MACROD2: variants seen among roughly 807,000 people sequenced by gnomAD.
The protein encoded by MACROD2 is mono-ADP ribosylhydrolase 2, also known as ADP-ribose glycohydrolase MACROD2.
A neutral mutation model predicts 70.4 loss-of-function variants in MACROD2; 36 were observed. The ratio of observed to expected loss-of-function variants is 0.51; its 90% CI spans 0.39 to 0.68. The LOEUF (loss-of-function observed/expected upper bound fraction) is 0.68. Ranked by LOEUF, MACROD2 falls within the 30% of genes least tolerant of loss-of-function variation. The probability of loss-of-function intolerance (pLI) is 0.00; values close to 1 mark genes in which losing one functional copy is unlikely to be tolerated. For missense variants in MACROD2, 496 were observed against 538.4 expected (o/e 0.92, Z 0.78); for synonymous variants, 172 against 178.8 (o/e 0.96, Z 0.30).
intron 8 of MACROD2, among the ~76,000 whole-genome samples, chr20:15,611,326 G>A (rs187307951): frequency 6.6e-5 from 10 of 152,252 alleles, no homozygotes; most frequent in Admixed American, 2.6e-4. Context: ...GCAGAGTCAC[G>A]ATTGGAAGCC....
intron 4 of MACROD2, among the ~76,000 whole-genome samples, chr20:14,525,647 C>G (rs146080033): frequency 6.6e-6 from 1 of 152,188 alleles, no homozygotes; most frequent in Non-Finnish European, 1.5e-5. Flanking sequence ...TGTGTTACCA[C>G]GCTGGTGTGT....
At chr20:16,014,707 A>C (rs1485118543) in intron 15 of MACROD2, among the ~76,000 whole-genome samples, 2 of 152,122 alleles carry the variant, frequency 1.3e-5, no homozygotes, top group Non-Finnish European at 2.9e-5. Context: ...GTTTCAATAC[A>C]CCTGACCTTC....
In MACROD2 at chr20:14,881,995, C is replaced by T. The variant is rs372157393; in HGVS notation, c.418+197036C>T. On this transcript the variant is annotated intron_variant, in intron 5 of 17. Coordinates refer to ENST00000684519, the MANE Select transcript of MACROD2 (RefSeq NM_001351661.2). ...ACAGCAATTCTAAAAAGACAATTAACTCTTGTTATGTCTGTTTATAAAAGA... is the reference window on the plus strand; with the variant it reads ...ACAGCAATTCTAAAAAGACAATTAATTCTTGTTATGTCTGTTTATAAAAGA... Among the ~76,000 whole-genome samples, 24 of 152,308 alleles carry T rather than the reference C, an allele frequency of 1.6e-4. No individual in the cohort carries two copies. The South Asian group carries it at 4.6e-3, about 29-fold the overall frequency.
At chr20:14,186,672 A>G (rs2081346908) in intron 3 of MACROD2, among the ~76,000 whole-genome samples, 1 of 152,198 alleles carries the variant, frequency 6.6e-6, no homozygotes, top group African/African-American at 2.4e-5. Flanking sequence ...CACTATTACA[A>G]TAGCAAAGAC....
intron 5 of MACROD2, among the ~76,000 whole-genome samples, chr20:14,812,657 C>A (rs2072729058): frequency 6.6e-6 from 1 of 152,030 alleles, no homozygotes; most frequent in Non-Finnish European, 1.5e-5. Flanking sequence ...TATCTTTCTG[C>A]ACCCCTACAG....
chr20:15,670,387 C>T (rs1054012191), intron 8 of MACROD2, among the ~76,000 whole-genome samples: 7 of 152,140 alleles, frequency 4.6e-5, no homozygotes, highest in African/African-American at 2.4e-5. Flanking sequence ...TTTCAGTCTC[C>T]GTCCTGATGC....
intron 15 of MACROD2, among the ~76,000 whole-genome samples, chr20:15,988,939 A>C (rs1443320179): frequency 1.3e-5 from 2 of 152,168 alleles, no homozygotes; most frequent in Non-Finnish European, 2.9e-5. Flanking sequence ...GAGGCAATGT[A>C]GATTCATGGT....
At chr20:14,179,901 ATTT>A (rs990932963) in intron 3 of MACROD2, among the ~76,000 whole-genome samples, 2 of 152,192 alleles carry the variant, frequency 1.3e-5, no homozygotes, top group African/African-American at 4.8e-5. Flanking sequence ...ATTGTTTTAC[ATTT>A]TAAAAAATTG....
At chr20:15,139,192 C>G (rs995130251) in intron 5 of MACROD2, among the ~76,000 whole-genome samples, 2 of 152,146 alleles carry the variant, frequency 1.3e-5, no homozygotes, top group African/African-American at 4.8e-5. Flanking sequence ...TGTTCTTGCT[C>G]TTGCAGAAGC....
At chr20:15,407,565 G>A (rs568495550) in intron 6 of MACROD2, among the ~76,000 whole-genome samples, 1 of 152,192 alleles carries the variant, frequency 6.6e-6, no homozygotes, top group East Asian at 1.9e-4. Context: ...GAGGTGGGTA[G>A]AGAGGCAGCC....
At chr20:14,003,192 A>G (rs2052759187) in intron 2 of MACROD2, among the ~76,000 whole-genome samples, 1 of 152,194 alleles carries the variant, frequency 6.6e-6, no homozygotes, top group South Asian at 2.1e-4. Context: ...AGATCGATGG[A>G]ACTACACCGG....
chr20:15,073,273 T>C (rs1164294819), intron 5 of MACROD2, among the ~76,000 whole-genome samples: 1 of 152,104 alleles, frequency 6.6e-6, no homozygotes, highest in East Asian at 1.9e-4. Context: ...TGTCTCCAAC[T>C]ACTATCAAAG....
chr20:15,614,255 T>C (rs1233616660), intron 8 of MACROD2, among the ~76,000 whole-genome samples: 2 of 152,240 alleles, frequency 1.3e-5, no homozygotes, highest in African/African-American at 4.8e-5. Context: ...TCTCTTCTTG[T>C]CTGTTATCTA....
At position 15,229,968 on chromosome 20, in the gene MACROD2, C is replaced by T; in HGVS notation, c.447C>T (p.Ala149=). The T allele has an allele frequency of 1.2e-6, 2 of 1,613,708 alleles. No homozygotes were observed. Among genetic ancestry groups the T allele is most frequent in the Non-Finnish European group, 1.7e-6 (2 of 1,179,746 alleles). The part of the protein sequence containing the change: ...KYVIHTVGPI[A]RGHINGSHKE... ...TCATCCATACTGTAGGGCCAATAGCCAGGGGCCATATTAATGGTTCCCACA... is the reference window on the plus strand; with the variant it reads ...TCATCCATACTGTAGGGCCAATAGCTAGGGGCCATATTAATGGTTCCCACA... Residue 149 remains alanine, a synonymous_variant, in exon 6 of 18, where the codon GCC becomes GCT. Coordinates refer to ENST00000684519, the MANE Select transcript of MACROD2 (RefSeq NM_001351661.2).
At chr20:14,252,722 CCT>C (rs1306700472) in intron 3 of MACROD2, among the ~76,000 whole-genome samples, 1 of 151,812 alleles carries the variant, frequency 6.6e-6, no homozygotes, top group African/African-American at 2.4e-5. Context: ...TTTCTTGTCC[CCT>C]GTCTTGATAA....
rs542918321 is a variant in MACROD2 at position 14,883,587 on chromosome 20, C to A, written c.418+198628C>A. Among the ~76,000 whole-genome samples, 3 of 107,856 alleles carry A rather than the reference C, an allele frequency of 2.8e-5. No homozygotes were observed. In the South Asian group the frequency reaches 1.1e-3, roughly 39 times the overall value. 70.8% of individuals were successfully genotyped at this position (107,856 alleles called of 152,430 possible). A position where few individuals can be genotyped will look rare whatever the true frequency, so the allele number is the denominator to read the frequency against. ...AGCACTTGAAATGAACTGTCTATAT[C>A]TGACTCACTTAAAAAAAAAAGTAGT... On this transcript the variant is annotated intron_variant, in intron 5 of 17. Transcript: ENST00000684519.
At chr20:14,551,055 C>A (rs1439247940) in intron 4 of MACROD2, among the ~76,000 whole-genome samples, 1 of 151,352 alleles carries the variant, frequency 6.6e-6, no homozygotes, top group South Asian at 2.1e-4. Context: ...TTTCCTTTTT[C>A]AATGAATGTA....
intron 3 of MACROD2, among the ~76,000 whole-genome samples, chr20:14,100,188 GA>G (rs1212536218): frequency 6.6e-6 from 1 of 151,824 alleles, no homozygotes; most frequent in Non-Finnish European, 1.5e-5. Context: ...AAAGTTTTTG[GA>G]ATGATATTCT....
chr20:14,801,342 A>G (rs2072573178), intron 5 of MACROD2, among the ~76,000 whole-genome samples: 1 of 152,108 alleles, frequency 6.6e-6, no homozygotes, highest in African/African-American at 2.4e-5. Context: ...CGTGGACCAT[A>G]ATCATTAGAC....
Sources: gnomAD v4.1 joint callset for allele counts (sites outside exome capture counted in the v4.1 genomes callset) on GRCh38, gnomAD v4.1.1 for gene constraint, MANE v1.5 for transcripts, NCBI Gene and HGNC (gene_info 2026-07-23, HGNC 2026-07-21) for gene names.